The following MYL10 variants were observed in gnomAD, a reference collection of about 807,000 sequenced individuals.
The protein encoded by MYL10 is myosin regulatory light chain 10.
A neutral mutation model predicts 21.9 loss-of-function variants in MYL10; 18 were observed. That is an observed-to-expected ratio of 0.82 (90% CI 0.57 to 1.22). The LOEUF (loss-of-function observed/expected upper bound fraction) is 1.22. MYL10 is among the 50% of genes most tolerant of loss of function. The pLI, the probability that MYL10 is intolerant of heterozygous loss-of-function variation, is 0.00. For missense variants in MYL10, 225 were observed against 230.4 expected (o/e 0.98, Z 0.15); for synonymous variants, 88 against 82.8 (o/e 1.06, Z -0.34).
intron 4 of MYL10, 62 bp downstream of exon 4, chr7:101,622,935 C>A: frequency 6.6e-7 from 1 of 1,517,196 alleles, no homozygotes; most frequent in East Asian, 2.3e-5. Flanking sequence ...CCTGCTGGCC[C>A]CAACCGCCCA....
intron 5 of MYL10, among the ~76,000 whole-genome samples, chr7:101,621,509 A>G (rs1474104693): frequency 2.6e-5 from 4 of 152,030 alleles, no homozygotes; most frequent in Non-Finnish European, 5.9e-5. Context: ...AGGAGCTCAC[A>G]GGTAGGAAGG....
intron 5 of MYL10, among the ~76,000 whole-genome samples, chr7:101,617,402 C>T (rs1010477316): frequency 6.6e-6 from 1 of 152,336 alleles, no homozygotes; most frequent in Non-Finnish European, 1.5e-5. Context: ...CTTGGTTTAT[C>T]ATAGAAAAAA....
intron 1 of MYL10, 60 bp from the exon 2 acceptor site, chr7:101,624,324 C>T: frequency 2.4e-6 from 3 of 1,252,866 alleles, no homozygotes; most frequent in Non-Finnish European, 2.3e-6. Context: ...GCCCCCACCC[C>T]CTGTCTCACC....
Position 101,622,128 on chromosome 7 carries a change from A to AT in MYL10, c.421_422insA (p.Val141AspfsTer29). The AT allele has an allele frequency of 6.2e-7, 1 of 1,613,804 alleles. No individual in the cohort carries two copies. Among genetic ancestry groups the AT allele is most frequent in the Non-Finnish European group, 8.5e-7 (1 of 1,179,810 alleles). On this transcript the variant is annotated frameshift_variant, in exon 5 of 8. Coordinates refer to ENST00000223167, the MANE Select transcript of MYL10 (RefSeq NM_138403.5). LOFTEE classifies it high-confidence loss of function. ...CTTCTCCCCAAACATGGTCAGGAAC[A>AT]CCGTGAAGTTGATGGGTCCGGGGGC...
rs1796573954 is a variant in MYL10, at chr7:101,613,574, C to G, written c.583-1G>C. On this transcript the variant is annotated splice_acceptor_variant, in intron 7 of 7. Transcript: ENST00000223167. LOFTEE classifies it high-confidence loss of function. ...GAAATGCTGCAAACATCTGCTTGAC[C>G]TGAGAAGGAGCAGAGAGTCAGCCTG... The G allele has an allele frequency of 6.8e-6, 11 of 1,614,038 alleles. No individual in the cohort carries two copies. The highest frequency in any genetic ancestry group is 1.3e-5 in the African/African-American group (1 of 74,918).
chr7:101,627,192 G>A (rs1251110897), intron 1 of MYL10, among the ~76,000 whole-genome samples: 1 of 151,882 alleles, frequency 6.6e-6, no homozygotes, highest in African/African-American at 2.4e-5. Flanking sequence ...CCAGTTACTC[G>A]GGAGGCTGAG....
chr7:101,613,974 T>A (rs1796580304), intron 6 of MYL10, among the ~76,000 whole-genome samples: 1 of 152,166 alleles, frequency 6.6e-6, no homozygotes, highest in Non-Finnish European at 1.5e-5. Flanking sequence ...AGGGCTACTC[T>A]GATTTCCCAT....
At chr7:101,628,168 A>T (rs545332081) in intron 1 of MYL10, among the ~76,000 whole-genome samples, 3 of 152,288 alleles carry the variant, frequency 2.0e-5, no homozygotes, top group African/African-American at 7.2e-5. Context: ...ATAAAAGAAA[A>T]ATGGGGTGGG....
intron 3 of MYL10, among the ~76,000 whole-genome samples, chr7:101,623,397 A>C (rs1796703812): frequency 6.6e-6 from 1 of 152,162 alleles, no homozygotes; most frequent in African/African-American, 2.4e-5. Flanking sequence ...TGGTGGCCTC[A>C]AAAAATAATG....
At chr7:101,620,697 A>AG in intron 5 of MYL10, among the ~76,000 whole-genome samples, 1 of 149,968 alleles carries the variant, frequency 6.7e-6, no homozygotes, top group African/African-American at 2.5e-5. Context: ...GGTTCAAGGG[A>AG]GGGGGCCTGG....
intron 5 of MYL10, among the ~76,000 whole-genome samples, chr7:101,619,326 G>A (rs570236139): frequency 2.1e-4 from 32 of 152,326 alleles, no homozygotes; most frequent in African/African-American, 5.8e-4. Context: ...GGTGGGCCCA[G>A]TGATGCTCCT....
intron 1 of MYL10, among the ~76,000 whole-genome samples, 156 bp downstream of exon 1, chr7:101,628,885 A>G (rs1264204871): frequency 1.3e-5 from 2 of 152,252 alleles, no homozygotes; most frequent in Non-Finnish European, 2.9e-5. Flanking sequence ...CAGCTAATAT[A>G]CAACACAGAA....
Position 101,620,766 on chromosome 7 carries a change from G to A in MYL10, c.454+1330C>T, listed in dbSNP as rs563539486. ...CTCACTTCCCAGGGACCACTGCCTG[G>A]GCTGACCCTTCCTTTTTTTTTTTTT... On this transcript the variant is annotated intron_variant, in intron 5 of 7. Transcript: ENST00000223167. Among the ~76,000 whole-genome samples the A allele has an allele frequency of 1.4e-3, 216 of 151,738 alleles. 1 individual carries two copies. Among genetic ancestry groups the A allele is most frequent in the African/African-American group, 5.0e-3 (208 of 41,372 alleles).
chr7:101,622,007 G>A (rs1314184946), intron 5 of MYL10, 89 bp downstream of exon 5: 2 of 982,026 alleles, frequency 2.0e-6, no homozygotes, highest in Non-Finnish European at 3.2e-6. Flanking sequence ...CCCACCTGTG[G>A]TGTGTATGTG....
chr7:101,623,823 T>G, intron 3 of MYL10, 97 bp downstream of exon 3: 1 of 203,612 alleles, frequency 4.9e-6, no homozygotes. Flanking sequence ...AGGTCAGGAG[T>G]TCCAGACCAG....
intron 1 of MYL10, among the ~76,000 whole-genome samples, chr7:101,626,876 C>A (rs1409895217): frequency 6.6e-6 from 1 of 152,162 alleles, no homozygotes; most frequent in Non-Finnish European, 1.5e-5. Context: ...GAGCAAAGAG[C>A]AGGTCAGACC....
chr7:101,615,595 T>TCC (rs34049907), intron 6 of MYL10, among the ~76,000 whole-genome samples: 6 of 138,716 alleles, frequency 4.3e-5, no homozygotes, highest in African/African-American at 1.1e-4. Context: ...AGAATGCTGT[T>TCC]CCCCCCCTAG....
chr7:101,616,114 C>T, intron 6 of MYL10, 106 bp downstream of exon 6: 2 of 887,748 alleles, frequency 2.3e-6, no homozygotes, highest in Non-Finnish European at 3.6e-6. Context: ...AGCGGCCCCC[C>T]AGCTCCTGGC....
At chr7:101,622,340 C>A in intron 4 of MYL10, 140 bp from the exon 5 acceptor site, 1 of 585,102 alleles carries the variant, frequency 1.7e-6, no homozygotes. Context: ...TTTTGGGGGA[C>A]TCTTTAGGGG....
Sources: gnomAD v4.1 joint callset for allele counts (sites outside exome capture counted in the v4.1 genomes callset) on GRCh38, gnomAD v4.1.1 for gene constraint, MANE v1.5 for transcripts, NCBI Gene and HGNC (gene_info 2026-07-23, HGNC 2026-07-21) for gene names.